Variants in RORA observed in about 807,000 individuals in gnomAD.
The protein encoded by RORA is RAR related orphan receptor A.
In RORA, 7 loss-of-function variants were observed where a neutral mutation model predicts 69.5. The observed-to-expected ratio is 0.10, with a 90% CI of 0.06 to 0.19. RORA has a LOEUF of 0.19. RORA is among the 10% of genes least tolerant of loss of function. The pLI is 1.00. For missense variants in RORA, 457 were observed against 663.0 expected (o/e 0.69, Z 3.41); for synonymous variants, 261 against 240.8 (o/e 1.08, Z -0.78).
chr15:61,119,298 A>G (rs1213497799), intron 1 of RORA, among the ~76,000 whole-genome samples: 1 of 151,906 alleles, frequency 6.6e-6, no homozygotes, highest in Non-Finnish European at 1.5e-5. Context: ...TCTGGGCTCA[A>G]GCAATTCTCC....
At chr15:60,939,872 T>C (rs1467180656) in intron 1 of RORA, among the ~76,000 whole-genome samples, 1 of 152,234 alleles carries the variant, frequency 6.6e-6, no homozygotes, top group Non-Finnish European at 1.5e-5. Flanking sequence ...TGTGCACATT[T>C]CTACAAGGCA....
intron 1 of RORA, among the ~76,000 whole-genome samples, chr15:60,858,583 G>C (rs986126603): frequency 4.6e-5 from 7 of 152,002 alleles, no homozygotes; most frequent in African/African-American, 7.3e-5. Flanking sequence ...CAGCGGGGAT[G>C]GGGTGAAGCA....
rs767164146 is a variant in RORA, at chr15:61,128,525, C to T, written c.166+100528G>A. 1.8e-4 allele frequency among the ~76,000 whole-genome samples: 28 copies of T among 152,124 alleles called. No individual in the cohort carries two copies. The highest frequency in any genetic ancestry group is 3.2e-3 in the Middle Eastern group (1 of 316). ...AGATACCATGAGCACAGACCTATGA[C>T]GCTGTTGATTACGTTAGATAACTCA... On this transcript the variant is annotated intron_variant, in intron 1 of 10. Transcript: ENST00000335670. This position sits in a 1 kb window ranked among gnomAD's most constrained non-coding sequence, Gnocchi z 4.5.
chr15:60,683,908 T>G (rs191459101), intron 1 of RORA, among the ~76,000 whole-genome samples: 1 of 152,274 alleles, frequency 6.6e-6, no homozygotes, highest in African/African-American at 2.4e-5. Context: ...TATCACAGAT[T>G]TAGCCCTGCC....
At chr15:60,610,198 TCACACACA>T (rs10674463) in intron 2 of RORA, among the ~76,000 whole-genome samples, 1 of 148,368 alleles carries the variant, frequency 6.7e-6, no homozygotes, top group Non-Finnish European at 1.5e-5. Flanking sequence ...GTCGTGTAAG[TCACACACA>T]CACACACACA....
intron 6 of RORA, 134 bp from the exon 7 acceptor site, chr15:60,503,801 T>C: frequency 2.1e-6 from 2 of 949,616 alleles, no homozygotes; most frequent in Non-Finnish European, 3.0e-6. Flanking sequence ...TGGGATCTTA[T>C]TTTATTTTAT....
At chr15:61,083,345 T>C (rs2078573550) in intron 1 of RORA, among the ~76,000 whole-genome samples, 1 of 152,140 alleles carries the variant, frequency 6.6e-6, no homozygotes, top group Admixed American at 6.5e-5. Flanking sequence ...CTAGTTCCGG[T>C]AGGGATCAGA....
chr15:60,675,710 A>T (rs1456277118), intron 2 of RORA, among the ~76,000 whole-genome samples: 2 of 152,174 alleles, frequency 1.3e-5, no homozygotes, highest in Non-Finnish European at 2.9e-5. Context: ...TATTTTTTTT[A>T]AAAGAAACAA....
At chr15:61,049,748 C>T (rs1376622008) in intron 1 of RORA, among the ~76,000 whole-genome samples, 1 of 152,178 alleles carries the variant, frequency 6.6e-6, no homozygotes, top group Admixed American at 6.5e-5. Flanking sequence ...CAACCTCCGC[C>T]TCCCGGGTTC....
At chr15:60,947,897 G>A (rs1892946790) in intron 1 of RORA, among the ~76,000 whole-genome samples, 1 of 152,048 alleles carries the variant, frequency 6.6e-6, no homozygotes, top group African/African-American at 2.4e-5. Flanking sequence ...GGGCCTCAGG[G>A]GCAGCTATTT....
rs574668049 is a variant in RORA, at chr15:60,750,525, C to G, written c.167-71839G>C. Among the ~76,000 whole-genome samples the G allele has an allele frequency of 1.4e-4, 21 of 152,320 alleles. No homozygotes were observed. The South Asian group carries it at 3.9e-3, about 29-fold the overall frequency. On this transcript the variant is annotated intron_variant, in intron 1 of 10. Coordinates refer to ENST00000335670, the MANE Select transcript of RORA (RefSeq NM_134261.3). ...CTACCGTGTTCAACCTTGTCTGAGT[C>G]TGGTGACCAAACCTCAGTGAGCGTT...
At chr15:60,548,405 A>G (rs1322894780) in intron 2 of RORA, among the ~76,000 whole-genome samples, 1 of 152,132 alleles carries the variant, frequency 6.6e-6, no homozygotes. Flanking sequence ...CATTTCGGGC[A>G]CTGTGCTAGT....
At chr15:60,681,678 C>G (rs1016084873) in intron 1 of RORA, 3 of 152,220 alleles carry the variant, frequency 2.0e-5, no homozygotes, top group Non-Finnish European at 4.4e-5. Flanking sequence ...TTTTCTCACC[C>G]TTAAATGAGG....
At chr15:60,844,949 T>A (rs1162802339) in intron 1 of RORA, among the ~76,000 whole-genome samples, 6 of 152,112 alleles carry the variant, frequency 3.9e-5, no homozygotes, top group Admixed American at 3.9e-4. Flanking sequence ...TAAACAAAAA[T>A]ATCCCTGGTA....
intron 2 of RORA, among the ~76,000 whole-genome samples, chr15:60,612,157 G>A (rs1449171112): frequency 6.6e-6 from 1 of 152,194 alleles, no homozygotes; most frequent in Non-Finnish European, 1.5e-5. Context: ...AGACACATTG[G>A]AAACTAACAT....
intron 1 of RORA, among the ~76,000 whole-genome samples, chr15:60,797,818 T>C (rs749295652): frequency 3.9e-5 from 6 of 152,130 alleles, no homozygotes; most frequent in Non-Finnish European, 8.8e-5. Context: ...TACTTCCTTC[T>C]CCACAAGAGG....
At chr15:60,775,606 T>C (rs12594188) in intron 1 of RORA, among the ~76,000 whole-genome samples, 67,097 of 151,952 alleles carry the variant, frequency 0.44, 15,897 homozygotes, top group Non-Finnish European at 0.53. Flanking sequence ...TTCCCCTCCC[T>C]GATTACCCCC....
intron 1 of RORA, among the ~76,000 whole-genome samples, chr15:60,840,886 T>G (rs760757377): frequency 6.6e-6 from 1 of 152,170 alleles, no homozygotes; most frequent in Non-Finnish European, 1.5e-5. Flanking sequence ...GCCCAGGCGA[T>G]AGTTTTTCGA....
chr15:60,802,417 G>T (rs1049599769), intron 1 of RORA, among the ~76,000 whole-genome samples: 1 of 152,120 alleles, frequency 6.6e-6, no homozygotes, highest in Admixed American at 6.5e-5. Context: ...CATTTCATTT[G>T]TTCATTGTGA....
Sources: allele counts gnomAD v4.1 joint callset (sites outside exome capture counted in the v4.1 genomes callset), GRCh38; gene constraint gnomAD v4.1.1; non-coding constraint Gnocchi (gnomAD v3.1); transcripts MANE v1.5; gene names NCBI Gene and HGNC (gene_info 2026-07-23, HGNC 2026-07-21).